Variants in SFI1 observed in about 807,000 individuals in gnomAD.
SFI1 encodes the protein protein SFI1 homolog.
In SFI1, 195 loss-of-function variants were observed where a neutral mutation model predicts 207.5. That is an observed-to-expected ratio of 0.94 (90% CI 0.84 to 1.06). The LOEUF (loss-of-function observed/expected upper bound fraction) is 1.06, where lower values mean the gene tolerates loss of function less well. Among genes scored for constraint, SFI1 ranks in the 50% least tolerant of loss-of-function variants. SFI1 has a pLI of 0.00. For missense variants in SFI1, 1,634 were observed against 1,588.0 expected (o/e 1.03, Z -0.49); for synonymous variants, 630 against 598.9 (o/e 1.05, Z -0.76).
At chr22:31,565,432 C>T (rs948891054) in intron 8 of SFI1, among the ~76,000 whole-genome samples, 12 of 151,082 alleles carry the variant, frequency 7.9e-5, no homozygotes, top group African/African-American at 1.2e-4. Context: ...TCACGGTGGC[C>T]TACACCTGAA....
chr22:31,547,816 G>C (rs968305012), intron 5 of SFI1, among the ~76,000 whole-genome samples: 1 of 150,220 alleles, frequency 6.7e-6, no homozygotes, highest in South Asian at 2.1e-4. Flanking sequence ...CTCCATGTTG[G>C]TCAGTCTGGT....
At chr22:31,561,132 ATTGTT>A (rs751866343) in intron 7 of SFI1, among the ~76,000 whole-genome samples, 153 bp from the exon 8 acceptor site, 10 of 152,096 alleles carry the variant, frequency 6.6e-5, no homozygotes, top group East Asian at 1.9e-4. Context: ...CTTTTTCTCA[ATTGTT>A]TTGTTTTATT....
intron 2 of SFI1, among the ~76,000 whole-genome samples, chr22:31,519,125 A>G (rs892457883): frequency 5.9e-5 from 9 of 152,170 alleles, no homozygotes; most frequent in African/African-American, 1.9e-4. Flanking sequence ...ACTACATATC[A>G]ATATATGAAA....
rs1465951379 is a variant in SFI1 at position 31,614,495 on chromosome 22, T to C, written c.2997-294T>C. Reference sequence around the variant, plus strand: ...TGACCTTGATGGGATCCTGAACGTCTCAGAGGCTGCTCCCCTGTGACATGG... The same window carrying C: ...TGACCTTGATGGGATCCTGAACGTCCCAGAGGCTGCTCCCCTGTGACATGG... On this transcript the variant is annotated intron_variant, in intron 27 of 32. Coordinates refer to ENST00000400288, the MANE Select transcript of SFI1 (RefSeq NM_001007467.3). The C allele has an allele frequency of 6.6e-6, 4 of 603,448 alleles. No homozygotes were observed. The African/African-American group carries it at 7.3e-5, about 11-fold the overall frequency. 37.4% of individuals were successfully genotyped at this position (603,448 alleles called of 1,614,324 possible).
In SFI1 at chr22:31,611,796, G is replaced by A. The variant is rs760316047; in HGVS notation, c.2446G>A (p.Ala816Thr). ...GCACAGGCAGAGCACCCAACTGCTG[G>A]CACAGAGACTCAGCCGGACCTGCTT... ...LLHRQSTQLL[A>T]QRLSRTCFRQ... The change falls in exon 24 of 33, where the codon GCA (alanine) becomes ACA (threonine). Residue 816 changes from alanine to threonine, a missense_variant. Transcript: ENST00000400288. 2.5e-6 allele frequency: 4 copies of A among 1,613,814 alleles called. No individual in the cohort carries two copies. The highest frequency in any genetic ancestry group is 2.2e-5 in the South Asian group (2 of 91,088).
At chr22:31,571,300 G>GT (rs1423811874) in intron 8 of SFI1, among the ~76,000 whole-genome samples, 1 of 152,008 alleles carries the variant, frequency 6.6e-6, no homozygotes, top group Admixed American at 6.6e-5. Context: ...ACCGATTGTG[G>GT]TTTTTTGGTT....
chr22:31,539,200 C>G (rs935801340), intron 4 of SFI1, among the ~76,000 whole-genome samples: 2 of 152,214 alleles, frequency 1.3e-5, no homozygotes, highest in Admixed American at 6.5e-5. Flanking sequence ...CCATCAGCAT[C>G]TCTCCCCCGA....
At chr22:31,550,616 G>C in intron 6 of SFI1, 1 of 349,360 alleles carries the variant, frequency 2.9e-6, no homozygotes, top group Non-Finnish European at 5.3e-6. Flanking sequence ...TGGCCTGCTG[G>C]TTCAGTGGGC....
chr22:31,511,529 G>A (rs935487363), intron 2 of SFI1, among the ~76,000 whole-genome samples: 8 of 139,524 alleles, frequency 5.7e-5, no homozygotes, highest in African/African-American at 7.7e-5. Context: ...AGTGCATGGC[G>A]CGATCTCCGC....
At chr22:31,516,640 G>A (rs1181730531) in intron 2 of SFI1, among the ~76,000 whole-genome samples, 3 of 152,030 alleles carry the variant, frequency 2.0e-5, no homozygotes, top group South Asian at 2.1e-4. Flanking sequence ...CCAACATGGC[G>A]AAACCCCATC....
At chr22:31,579,833 C>T (rs1457778720) in intron 11 of SFI1, among the ~76,000 whole-genome samples, 1 of 152,220 alleles carries the variant, frequency 6.6e-6, no homozygotes, top group East Asian at 1.9e-4. Flanking sequence ...ATTCCTTCTT[C>T]CATTTTAGCA....
At chr22:31,534,489 G>A (rs2058792980) in intron 4 of SFI1, among the ~76,000 whole-genome samples, 1 of 151,504 alleles carries the variant, frequency 6.6e-6, no homozygotes, top group African/African-American at 2.4e-5. Context: ...CTATCAGAAC[G>A]TCCCAGGGTA....
chr22:31,580,411 T>C, intron 12 of SFI1, 47 bp downstream of exon 12: 1 of 1,483,368 alleles, frequency 6.7e-7, no homozygotes, highest in Non-Finnish European at 9.3e-7. Context: ...AAGGCCATTC[T>C]CTCTCGCTCT....
chr22:31,531,110 G>T lies in SFI1; in HGVS notation c.319G>T (p.Val107Leu), dbSNP rs769907204. The T allele has an allele frequency of 6.2e-7, 1 of 1,613,380 alleles. No individual in the cohort carries two copies. Among genetic ancestry groups the T allele is most frequent in the South Asian group, 1.1e-5 (1 of 90,942 alleles). Reference protein sequence around the residue: ...YLWIRMTFGRVFPSKARFYYE... With the variant: ...YLWIRMTFGRLFPSKARFYYE... The stretch of plus-strand genomic sequence containing the variant: ...ATGGATTCGAATGACTTTTGGAAGA[G>T]TATTTCCCTCTAAAGCCAGGTAGTA... The change falls in exon 4 of 33, where the codon GTA becomes TTA. Residue 107 changes from valine (V) to leucine (L), a missense_variant. Transcript: ENST00000400288.
Position 31,618,106 on chromosome 22 carries a change from AC to A in SFI1, c.3513-5del. 4 of 1,561,736 alleles carry A rather than the reference AC, an allele frequency of 2.6e-6. No individual in the cohort carries two copies. The highest frequency in any genetic ancestry group is 3.5e-6 in the Non-Finnish European group (4 of 1,153,962). ...AGCCTGGCAGGCAGTGGGTATCTCC[AC>A]CCCTCAGGTCCTGTCGGCGGCAAGC... On this transcript the variant is annotated splice_polypyrimidine_tract_variant and splice_region_variant and intron_variant, in intron 31 of 32. Transcript: ENST00000400288.
At chr22:31,616,955 C>G in intron 30 of SFI1, 45 bp from the exon 31 acceptor site, 3 of 1,613,492 alleles carry the variant, frequency 1.9e-6, no homozygotes, top group Non-Finnish European at 2.5e-6. Context: ...ACCCTGGTCC[C>G]CGAGGGGAAA....
intron 29 of SFI1, chr22:31,615,483 G>C: frequency 4.5e-6 from 2 of 445,696 alleles, no homozygotes; most frequent in Non-Finnish European, 3.9e-6. Context: ...CTGCCATCCT[G>C]AAGCTTATAT....
rs1603257085 is a variant in SFI1, at chr22:31,591,519, G to T, written c.1544+1942G>T. Among the ~76,000 whole-genome samples the T allele has an allele frequency of 4.6e-5, 7 of 150,558 alleles. No homozygotes were observed. In the South Asian group the frequency reaches 1.5e-3, roughly 32 times the overall value. On this transcript the variant is annotated intron_variant, in intron 15 of 32. Transcript: ENST00000400288. ...GACGGGGTGGTGGCCGGGCAGAGGG[G>T]CTCCTCACTTCCCAGTAGGGGTGGC...
rs2068973713 is a variant in SFI1, at chr22:31,606,392, C to G, written c.2119C>G (p.Gln707Glu). ...AGTGGATGAAGCCAAAAAAACCTTT[C>G]AAGCAAGTACTCATTACAGAAGGAC... ...ARVDEAKKTF[Q>E]ASTHYRRTIC... Residue 707 changes from glutamine to glutamate, a missense_variant, in exon 21 of 33, where the codon CAA becomes GAA. By Grantham distance (29) the Gln-to-Glu change is conservative. Coordinates refer to ENST00000400288, the MANE Select transcript of SFI1 (RefSeq NM_001007467.3). The G allele has an allele frequency of 6.2e-7, 1 of 1,613,762 alleles. No homozygotes were observed. The highest frequency in any genetic ancestry group is 2.2e-5 in the East Asian group (1 of 44,886).
Sources: gnomAD v4.1 joint callset for allele counts (sites outside exome capture counted in the v4.1 genomes callset) on GRCh38, gnomAD v4.1.1 for gene constraint, MANE v1.5 for transcripts, NCBI Gene and HGNC (gene_info 2026-07-23, HGNC 2026-07-21) for gene names.